DGKG: variants seen among roughly 807,000 people sequenced by gnomAD.
DGKG encodes the protein diacylglycerol kinase gamma.
In DGKG, 78 loss-of-function variants were observed where a neutral mutation model predicts 105.3. The observed-to-expected ratio is 0.74, with a 90% CI of 0.62 to 0.89. The LOEUF is 0.89. Ranked by LOEUF, DGKG falls within the 40% of genes least tolerant of loss-of-function variation. The probability of loss-of-function intolerance (pLI) is 0.00; values close to 1 mark genes in which losing one functional copy is unlikely to be tolerated. For synonymous variants in DGKG, 346 were observed against 367.1 expected (o/e 0.94, Z 0.66); for missense variants, 958 against 1,020.1 (o/e 0.94, Z 0.83).
intron 22 of DGKG, among the ~76,000 whole-genome samples, chr3:186,179,177 G>A (rs1717240015): frequency 6.6e-6 from 1 of 152,162 alleles, no homozygotes; most frequent in African/African-American, 2.4e-5. Flanking sequence ...GACTAACCAT[G>A]GTTTGAGGAT....
intron 5 of DGKG, among the ~76,000 whole-genome samples, chr3:186,290,714 A>T (rs550838503): frequency 1.3e-5 from 2 of 152,222 alleles, no homozygotes; most frequent in African/African-American, 4.8e-5. Flanking sequence ...TGGAGCCCAC[A>T]GTGGCTAGGA....
chr3:186,149,002 A>T lies in DGKG; in HGVS notation c.*1088T>A. 1.1e-6 allele frequency: 1 copy of T among 889,134 alleles called. No individual in the cohort carries two copies. Among genetic ancestry groups the T allele is most frequent in the Non-Finnish European group, 1.3e-6 (1 of 744,548 alleles). 55.1% of individuals were successfully genotyped at this position (889,134 alleles called of 1,614,324 possible). On this transcript the variant is annotated 3_prime_UTR_variant, in exon 25 of 25. Coordinates refer to ENST00000265022, the MANE Select transcript of DGKG (RefSeq NM_001346.3). ...AAATATATAGGCTAAATATATATAT[A>T]TACACGCACACACACACACACACGC...
At chr3:186,168,359 CATATA>C (rs1560078451) in intron 22 of DGKG, among the ~76,000 whole-genome samples, 1 of 151,940 alleles carries the variant, frequency 6.6e-6, no homozygotes, top group Non-Finnish European at 1.5e-5. Context: ...GTGTAGTGAA[CATATA>C]ATATAAGCAC....
chr3:186,275,738 A>G (rs903996748), intron 9 of DGKG, 74 bp from the exon 10 acceptor site: 1 of 953,274 alleles, frequency 1.0e-6, no homozygotes, highest in Non-Finnish European at 1.6e-6. Flanking sequence ...TGCCTCTTGC[A>G]TGTTCTTCCT....
rs186475135 is a variant in DGKG, at chr3:186,260,641, C to T, written c.1350-128G>A. On this transcript the variant is annotated intron_variant, in intron 15 of 24. Coordinates refer to ENST00000265022, the MANE Select transcript of DGKG (RefSeq NM_001346.3). The stretch of plus-strand genomic sequence containing the variant: ...CAGGGATGAGGGTTCATTTAAACCC[C>T]GGAGGGGAGGGCACTGCCTGCTGAC... 1.1e-4 allele frequency: 76 copies of T among 722,262 alleles called. 1 individual carries two copies. The highest frequency in any genetic ancestry group is 5.2e-4 in the Admixed American group (21 of 40,354). The allele number at this position is 722,262 out of a possible 1,614,324, so 44.7% of individuals were successfully genotyped here. A position where few individuals can be genotyped will look rare whatever the true frequency, so the allele number is the denominator to read the frequency against.
intron 20 of DGKG, among the ~76,000 whole-genome samples, chr3:186,222,124 G>A (rs1001516594): frequency 2.0e-5 from 3 of 152,234 alleles, no homozygotes; most frequent in Non-Finnish European, 4.4e-5. Flanking sequence ...GAGTCTGAGG[G>A]GATGCAGGCT....
intron 1 of DGKG, among the ~76,000 whole-genome samples, chr3:186,338,185 A>AG (rs1218238761): frequency 2.4e-4 from 37 of 151,474 alleles, no homozygotes; most frequent in African/African-American, 7.1e-4. Context: ...AAAAAAAAAA[A>AG]AAAGAAAGAA....
At chr3:186,216,002 C>G (rs2108524636) in intron 20 of DGKG, among the ~76,000 whole-genome samples, 1 of 151,380 alleles carries the variant, frequency 6.6e-6, no homozygotes, top group East Asian at 2.0e-4. Flanking sequence ...CCCAAACCCC[C>G]ATTATTTGGG....
intron 20 of DGKG, among the ~76,000 whole-genome samples, chr3:186,215,322 A>T (rs1287508758): frequency 6.6e-6 from 1 of 151,198 alleles, no homozygotes. Flanking sequence ...GAGGTGGGAG[A>T]ATTGCTTGAA....
At chr3:186,254,722 C>T (rs978848065) in intron 17 of DGKG, among the ~76,000 whole-genome samples, 6 of 152,146 alleles carry the variant, frequency 3.9e-5, no homozygotes, top group Admixed American at 2.0e-4. Flanking sequence ...ATCGCTGCAA[C>T]AGCCTCCTCT....
chr3:186,306,909 G>T lies in DGKG; in HGVS notation c.136C>A (p.Pro46Thr). ...AATGGAAATGTTCTTACCTCATGTG[G>T]GTCATATTGTTTGAGGCTCCCACCC... is the stretch of plus-strand genomic sequence containing the variant. ...NEGGSLKQYD[P>T]HEPISYDVFK... The change falls in exon 3 of 25, where the codon CCA becomes ACA. Residue 46 changes from proline (P) to threonine (T), a missense_variant. By Grantham distance (38) the Pro-to-Thr change is conservative. This residue lies in a region of DGKG where 643 missense variants were observed against 619.5 expected (regional missense o/e 1.04). Transcript: ENST00000265022. 1.9e-6 allele frequency: 3 copies of T among 1,607,028 alleles called. No homozygotes were observed. Among genetic ancestry groups the T allele is most frequent in the South Asian group, 2.2e-5 (2 of 90,872 alleles).
chr3:186,265,300 G>A lies in DGKG; in HGVS notation c.1216C>T (p.Pro406Ser), dbSNP rs571760504. 6.2e-7 allele frequency: 1 copy of A among 1,614,108 alleles called. No homozygotes were observed. Among genetic ancestry groups the A allele is most frequent in the Admixed American group, 1.7e-5 (1 of 60,032 alleles). The change falls in exon 14 of 25, where the codon CCA becomes TCA. Residue 406 changes from proline (P) to serine (S), a missense_variant. By Grantham distance (74) the Pro-to-Ser change is moderately conservative. Around this residue, in one of 2 missense-constraint regions of DGKG, gnomAD observed 643 missense variants for 619.5 expected, o/e 1.04. Transcript: ENST00000265022. ...ACGCAGCCATCAGACTTCTCACCTG[G>A]CCTGTCCTGTGACAAGAAAGGAAAG... ...TSICPITRDR[P>S]GEKSDGCVSA... is the part of the protein sequence containing the mutation.
chr3:186,160,960 T>C (rs967888485), intron 24 of DGKG: 4 of 985,244 alleles, frequency 4.1e-6, no homozygotes, highest in Non-Finnish European at 3.6e-6. Context: ...TCATTTGACA[T>C]GTATTATTGT....
At chr3:186,340,514 T>C (rs1174146430) in intron 1 of DGKG, among the ~76,000 whole-genome samples, 2 of 152,190 alleles carry the variant, frequency 1.3e-5, no homozygotes, top group Admixed American at 6.5e-5. Context: ...AATCATTTTA[T>C]TTGATTGACT....
chr3:186,309,000 T>C (rs1314180343), intron 2 of DGKG, among the ~76,000 whole-genome samples: 1 of 152,220 alleles, frequency 6.6e-6, no homozygotes, highest in East Asian at 1.9e-4. Flanking sequence ...AACTCAGGTC[T>C]AGTCTGGCTC....
chr3:186,299,634 C>T (rs1723773451), intron 3 of DGKG, among the ~76,000 whole-genome samples: 1 of 152,136 alleles, frequency 6.6e-6, no homozygotes. Context: ...TTATTTCACA[C>T]TCTTTCTGTC....
intron 3 of DGKG, among the ~76,000 whole-genome samples, chr3:186,299,840 T>TCTTTCTTTCTTTC (rs1553815789): frequency 2.5e-4 from 20 of 80,718 alleles, no homozygotes; most frequent in South Asian, 3.7e-4. Context: ...TTTCTTTCTT[T>TCTTTCTTTCTTTC]TTTTTTTTTT....
rs1719524636 is a variant in DGKG at position 186,220,687 on chromosome 3, A to G, written c.1827-8802T>C. 3.3e-5 allele frequency among the ~76,000 whole-genome samples: 5 copies of G among 152,268 alleles called. No homozygotes were observed. The South Asian group carries it at 8.3e-4, about 25-fold the overall frequency. On this transcript the variant is annotated intron_variant, in intron 20 of 24. Coordinates refer to ENST00000265022, the MANE Select transcript of DGKG (RefSeq NM_001346.3). ...ACCCTGACACTCTTTAGCAGAGTCC[A>G]TGATCTGGGCCTCCCCATTGGTCTC...
At position 186,218,050 on chromosome 3, in the gene DGKG, G is replaced by C. The variant is rs1188928884; in HGVS notation, c.1827-6165C>G. On this transcript the variant is annotated intron_variant, in intron 20 of 24. Coordinates refer to ENST00000265022, the MANE Select transcript of DGKG (RefSeq NM_001346.3). ...GTGAAACAGATGCTACCCACAAGAT[G>C]GTGTTCTGTATGGCATGGGGGGAGG... Among the ~76,000 whole-genome samples, 4 of 152,262 alleles carry C rather than the reference G, an allele frequency of 2.6e-5. No individual in the cohort carries two copies. In the South Asian group the frequency reaches 6.2e-4, roughly 24 times the overall value.
Sources: gnomAD v4.1 joint callset for allele counts (sites outside exome capture counted in the v4.1 genomes callset) on GRCh38, gnomAD v4.1.1 for gene constraint, gnomAD v4.1.1 regional missense constraint, MANE v1.5 for transcripts, NCBI Gene and HGNC (gene_info 2026-07-23, HGNC 2026-07-21) for gene names.